The following TOX3 variants were observed in gnomAD, a reference collection of about 807,000 sequenced individuals.
The protein encoded by TOX3 is TOX high mobility group box family member 3, also known as CAG trinucleotide repeat-containing gene F9 protein.
Under a neutral mutation model 64.3 loss-of-function variants are expected in TOX3, and 22 were observed. The observed-to-expected ratio is 0.34, with a 90% CI of 0.24 to 0.49. The LOEUF (loss-of-function observed/expected upper bound fraction) is 0.49, where lower values mean the gene tolerates loss of function less well. TOX3 is among the 20% of genes least tolerant of loss of function. TOX3 has a pLI of 0.99. For missense variants in TOX3, 661 were observed against 714.4 expected, an observed-to-expected ratio of 0.93 and a Z score of 0.85; for synonymous variants, 291 against 273.6, an observed-to-expected ratio of 1.06 and a Z score of -0.63.
In TOX3 at chr16:52,446,913, T is replaced by TA. The variant is rs571849830; in HGVS notation, c.679-693dup. Among the ~76,000 whole-genome samples, 9 of 151,902 alleles carry TA rather than the reference T, an allele frequency of 5.9e-5. No individual in the cohort carries two copies. In the East Asian group the frequency reaches 9.7e-4, roughly 16 times the overall value. On this transcript the variant is annotated intron_variant, in intron 4 of 6. Transcript: ENST00000219746. ...TACTCTCCGTAAAATTAAAAACGTGTAAAAAAAAGAGCAATAGTTGATACT... is the reference window on the plus strand; with the variant it reads ...TACTCTCCGTAAAATTAAAAACGTGTAAAAAAAAAGAGCAATAGTTGATACT...
upstream of TOX3, among the ~76,000 whole-genome samples, chr16:52,547,203 C>T (rs1200783888): frequency 4.9e-5 from 7 of 144,010 alleles, no homozygotes; most frequent in Non-Finnish European, 9.3e-5. Context: ...GTCCCCTCCC[C>T]GCGCCGCCGC....
intron 6 of TOX3, among the ~76,000 whole-genome samples, chr16:52,441,739 A>C (rs1238324368): frequency 1.3e-5 from 2 of 152,208 alleles, no homozygotes; most frequent in African/African-American, 2.4e-5. Flanking sequence ...ATGTAACCTC[A>C]TATAGAGAGT....
intron 1 of TOX3, among the ~76,000 whole-genome samples, chr16:52,478,537 G>C (rs1961282670): frequency 6.6e-6 from 1 of 152,114 alleles, no homozygotes; most frequent in Admixed American, 6.5e-5. Flanking sequence ...GGATTTATTT[G>C]TCCATTCACT....
intron 3 of TOX3, among the ~76,000 whole-genome samples, chr16:52,461,348 C>A (rs1333984680): frequency 6.6e-6 from 1 of 152,134 alleles, no homozygotes; most frequent in Admixed American, 6.5e-5. Flanking sequence ...TTCAGCAATT[C>A]GCTTTTGAAT....
chr16:52,516,019 C>T (rs900995362), intron 1 of TOX3, among the ~76,000 whole-genome samples: 1 of 151,890 alleles, frequency 6.6e-6, no homozygotes, highest in Non-Finnish European at 1.5e-5. Flanking sequence ...ATCAAATACA[C>T]ACACATATAC....
At chr16:52,457,834 C>G (rs2151751294) in intron 3 of TOX3, among the ~76,000 whole-genome samples, 2 of 152,220 alleles carry the variant, frequency 1.3e-5, no homozygotes, top group South Asian at 4.1e-4. Context: ...AATATCTGCA[C>G]TGAAATAGAT....
At chr16:52,512,460 A>G (rs1373964085) in intron 1 of TOX3, among the ~76,000 whole-genome samples, 1 of 152,240 alleles carries the variant, frequency 6.6e-6, no homozygotes. Flanking sequence ...TTGCTGCTCA[A>G]TACATCCATT....
intron 1 of TOX3, among the ~76,000 whole-genome samples, chr16:52,501,730 A>C (rs1341057265): frequency 5.9e-5 from 9 of 152,096 alleles, no homozygotes; most frequent in Non-Finnish European, 1.2e-4. Context: ...CTCCAACCTT[A>C]ATGCTCACTC....
chr16:52,497,017 AG>A (rs1266110037), intron 1 of TOX3, among the ~76,000 whole-genome samples: 2 of 152,220 alleles, frequency 1.3e-5, no homozygotes, highest in Non-Finnish European at 2.9e-5. Context: ...GAAGGAAATT[AG>A]GTTCCCCAAT....
At chr16:52,537,331 T>A (rs750336808) in intron 1 of TOX3, among the ~76,000 whole-genome samples, 1 of 152,112 alleles carries the variant, frequency 6.6e-6, no homozygotes, top group South Asian at 2.1e-4. Context: ...AAATCTCATA[T>A]CCATAGAATA....
chr16:52,511,741 T>C (rs1401055186), intron 1 of TOX3, among the ~76,000 whole-genome samples: 2 of 152,184 alleles, frequency 1.3e-5, no homozygotes, highest in Admixed American at 1.3e-4. Flanking sequence ...GAATATACCA[T>C]GAAAGATGGC....
chr16:52,439,600 T>TTGC lies in TOX3; in HGVS notation c.1353_1355dup (p.Gln455dup), dbSNP rs539707755. On this transcript the variant is annotated inframe_insertion, in exon 7 of 7. Transcript: ENST00000219746. ...GCTGCATCTGTTGCATCTGTTGTTG[T>TTGC]TGCTGCTGCTGCTGCTGCTGCAATT... The TTGC allele has an allele frequency of 5.4e-3, 8,579 of 1,598,908 alleles. 37 individuals carry two copies. The highest frequency in any genetic ancestry group is 0.014 in the South Asian group (1,303 of 90,304).
intron 1 of TOX3, among the ~76,000 whole-genome samples, chr16:52,536,157 G>T (rs1347493122): frequency 2.0e-5 from 3 of 152,100 alleles, no homozygotes; most frequent in African/African-American, 7.2e-5. Context: ...CTATCCTCAT[G>T]AAGTTTACAT....
At position 52,439,699 on chromosome 16, in the gene TOX3, C is replaced by T; in HGVS notation, c.1257G>A (p.Met419Ile). 6.2e-7 allele frequency: 1 copy of T among 1,613,984 alleles called. No individual in the cohort carries two copies. Among genetic ancestry groups the T allele is most frequent in the Non-Finnish European group, 8.5e-7 (1 of 1,179,872 alleles). Residue 419 changes from methionine to isoleucine, a missense_variant, in exon 7 of 7, where the codon ATG (methionine) becomes ATA (isoleucine). Physicochemically the swap from Met to Ile is conservative, Grantham distance 10. Transcript: ENST00000219746. ...GTGCTGAGCCAACCATGGTCGTTCC[C>T]ATGGAGCTTATCAGTGGAGCCCCAA... ...SNIGAPLISSMGTTMVGSAPS... is the reference protein window; with the variant it reads ...SNIGAPLISSIGTTMVGSAPS...
chr16:52,494,741 A>G (rs1407691896), intron 1 of TOX3, among the ~76,000 whole-genome samples: 1 of 152,214 alleles, frequency 6.6e-6, no homozygotes, highest in East Asian at 1.9e-4. Context: ...CAGCCTCTCC[A>G]TCAATAAATA....
At chr16:52,484,840 T>C (rs1961465688) in intron 1 of TOX3, among the ~76,000 whole-genome samples, 1 of 152,042 alleles carries the variant, frequency 6.6e-6, no homozygotes, top group Non-Finnish European at 1.5e-5. Flanking sequence ...TGGAGGTTTC[T>C]CAAAGAACTA....
chr16:52,476,154 C>T (rs1278551778), intron 1 of TOX3, among the ~76,000 whole-genome samples: 1 of 152,150 alleles, frequency 6.6e-6, no homozygotes, highest in Non-Finnish European at 1.5e-5. Flanking sequence ...CCCTTCTACC[C>T]ATATCACCAG....
At chr16:52,485,132 C>CACATGTATGTAT (rs1567329240) in intron 1 of TOX3, among the ~76,000 whole-genome samples, 3 of 119,362 alleles carry the variant, frequency 2.5e-5, no homozygotes, top group East Asian at 7.0e-4. Flanking sequence ...TGTGTGTATA[C>CACATGTATGTAT]ATATGTGTGT....
intron 1 of TOX3, among the ~76,000 whole-genome samples, chr16:52,542,015 A>AAG (rs1963086176): frequency 6.6e-6 from 1 of 152,238 alleles, no homozygotes; most frequent in African/African-American, 2.4e-5. Context: ...AATGTAAACT[A>AAG]AGTCAACGGA....
Sources: gnomAD v4.1 joint callset for allele counts (sites outside exome capture counted in the v4.1 genomes callset) on GRCh38, gnomAD v4.1.1 for gene constraint, MANE v1.5 for transcripts, NCBI Gene and HGNC (gene_info 2026-07-23, HGNC 2026-07-21) for gene names.